Variants in NYAP2 observed in about 807,000 individuals in gnomAD.
NYAP2 encodes the protein neuronal tyrosine-phosphorylated phosphoinositide-3-kinase adaptor 2.
NYAP2 carries 23 observed loss-of-function variants against 50.4 expected under a neutral mutation model. The observed-to-expected ratio is 0.46, with a 90% CI of 0.33 to 0.65. The LOEUF (loss-of-function observed/expected upper bound fraction) is 0.65. Among genes scored for constraint, NYAP2 ranks in the 30% least tolerant of loss-of-function variants. The pLI, the probability that NYAP2 is intolerant of heterozygous loss-of-function variation, is 0.02. For synonymous variants in NYAP2, 394 were observed against 365.2 expected, an observed-to-expected ratio of 1.08 and a Z score of -0.90; for missense variants, 885 against 861.0, an observed-to-expected ratio of 1.03 and a Z score of -0.35.
chr2:225,432,000 C>T (rs1040031766), intron 3 of NYAP2, among the ~76,000 whole-genome samples: 6 of 151,984 alleles, frequency 3.9e-5, no homozygotes, highest in Non-Finnish European at 5.9e-5. Context: ...GATGGAGTCT[C>T]GCTCTGTCAC....
chr2:225,680,149 C>T, the NYAP2 span, among the ~76,000 whole-genome samples: 3 of 152,186 alleles, frequency 2.0e-5, no homozygotes, highest in Admixed American at 2.0e-4. Flanking sequence ...TTTAGCTACT[C>T]ACTTGCTCCA....
At chr2:225,498,626 T>G (rs1690548326) in intron 3 of NYAP2, among the ~76,000 whole-genome samples, 2 of 151,402 alleles carry the variant, frequency 1.3e-5, no homozygotes, top group Non-Finnish European at 2.9e-5. Context: ...CTGAGACAAA[T>G]AATCCAAGTA....
At chr2:225,402,588 G>A (rs551780274) in intron 2 of NYAP2, among the ~76,000 whole-genome samples, 129 of 152,148 alleles carry the variant, frequency 8.5e-4, no homozygotes, top group African/African-American at 2.8e-3. Flanking sequence ...GCATTAACAC[G>A]ATTTATGCCT....
At chr2:225,626,965 C>A in exon 6 of NYAP2, 1 of 1,585,698 alleles carries the variant, frequency 6.3e-7, no homozygotes, top group East Asian at 2.3e-5. Flanking sequence ...GAGCCATTAC[C>A]AAAGTTGGAC....
the NYAP2 span, among the ~76,000 whole-genome samples, chr2:225,661,493 A>T: frequency 6.6e-6 from 1 of 152,200 alleles, no homozygotes; most frequent in African/African-American, 2.4e-5. Flanking sequence ...AGTGCTCAGA[A>T]TGCTGTATTA....
chr2:225,506,658 C>A (rs1217760314), intron 3 of NYAP2, among the ~76,000 whole-genome samples: 2 of 152,144 alleles, frequency 1.3e-5, no homozygotes, highest in Non-Finnish European at 2.9e-5. Context: ...AACAGGGAGG[C>A]AGCATCAAAT....
intron 4 of NYAP2, among the ~76,000 whole-genome samples, chr2:225,554,489 T>A (rs1444309872): frequency 6.7e-6 from 1 of 148,352 alleles, no homozygotes. Context: ...CATGGCTAAT[T>A]TTTTTTTGTA....
Position 225,582,631 on chromosome 2 carries a change from C to T in NYAP2, c.1214C>T (p.Ser405Phe). The change falls in exon 5 of 7, where the codon TCT (serine) becomes TTT (phenylalanine). Residue 405 changes from serine (S) to phenylalanine (F), a missense_variant. Transcript: ENST00000636099. The surrounding 1 kb of genome is among the most constrained non-coding windows in gnomAD (Gnocchi z 7.0). The stretch of plus-strand genomic sequence containing the variant: ...CAGGCCGCGGCCCTGGGACCTGCCT[C>T]TGCCACCCCTGCGCTCTCCTCGTCG... The T allele has an allele frequency of 1.9e-6, 3 of 1,596,088 alleles. No homozygotes were observed. Among genetic ancestry groups the T allele is most frequent in the Non-Finnish European group, 8.5e-7 (1 of 1,172,092 alleles).
the NYAP2 span, among the ~76,000 whole-genome samples, chr2:225,694,301 CT>C: frequency 1.8e-3 from 262 of 147,956 alleles, 1 homozygote; most frequent in Middle Eastern, 3.5e-3. Context: ...TTTTACACAT[CT>C]TTTTTTTTTC....
chr2:225,547,538 C>T lies in NYAP2; in HGVS notation c.523+33866C>T, dbSNP rs144805622. Among the ~76,000 whole-genome samples the T allele has an allele frequency of 1.6e-3, 248 of 152,310 alleles. 4 individuals carry two copies. Among genetic ancestry groups the T allele is most frequent in the African/African-American group, 5.5e-3 (228 of 41,562 alleles). On this transcript the variant is annotated intron_variant, in intron 4 of 6. Coordinates refer to ENST00000636099, the Ensembl canonical transcript of NYAP2. ...CCTATGGCTAGGGCTGGTCTAAATG[C>T]GCCCTCTGGGCATCAGCCGAGTTTA...
intron 5 of NYAP2, among the ~76,000 whole-genome samples, chr2:225,602,863 G>C (rs1004453947): frequency 3.9e-5 from 6 of 152,072 alleles, no homozygotes; most frequent in African/African-American, 1.4e-4. Context: ...TTTATAGCAA[G>C]TTTTGAAATC....
chr2:225,442,237 A>G (rs941739810), intron 3 of NYAP2, among the ~76,000 whole-genome samples: 2 of 152,210 alleles, frequency 1.3e-5, no homozygotes, highest in African/African-American at 2.4e-5. Flanking sequence ...TACAAAATTC[A>G]GAGGCACAAA....
At chr2:225,426,114 T>C (rs1483255569) in intron 3 of NYAP2, among the ~76,000 whole-genome samples, 1 of 147,796 alleles carries the variant, frequency 6.8e-6, no homozygotes, top group Non-Finnish European at 1.5e-5. Flanking sequence ...TAGTTACATG[T>C]TATACTTTGC....
At chr2:225,607,452 CT>C (rs557544761) in intron 5 of NYAP2, among the ~76,000 whole-genome samples, 61 of 152,174 alleles carry the variant, frequency 4.0e-4, no homozygotes, top group African/African-American at 1.4e-3. Flanking sequence ...CAAGAACATT[CT>C]TTTTTAAGTT....
intron 4 of NYAP2, among the ~76,000 whole-genome samples, chr2:225,536,182 C>T (rs1279867774): frequency 6.6e-6 from 1 of 152,130 alleles, no homozygotes; most frequent in East Asian, 1.9e-4. Flanking sequence ...AAAGGCTACC[C>T]CTCAGTTGAA....
At chr2:225,624,665 T>C (rs1693177007) in intron 5 of NYAP2, among the ~76,000 whole-genome samples, 4 of 152,250 alleles carry the variant, frequency 2.6e-5, no homozygotes, top group Non-Finnish European at 1.5e-5. Context: ...AATTATCTAA[T>C]GTAGAAAAAT....
At chr2:225,548,928 C>T (rs973909089) in intron 4 of NYAP2, among the ~76,000 whole-genome samples, 5 of 150,182 alleles carry the variant, frequency 3.3e-5, no homozygotes, top group Non-Finnish European at 5.9e-5. Context: ...ATTGCCCAGG[C>T]TGGAGTGCAA....
intron 5 of NYAP2, among the ~76,000 whole-genome samples, chr2:225,583,318 C>T (rs1692333030): frequency 6.6e-6 from 1 of 151,930 alleles, no homozygotes; most frequent in Admixed American, 6.6e-5. Context: ...TGCAATGGTC[C>T]TGGAAAGTTG....
At chr2:225,689,514 G>A in the NYAP2 span, among the ~76,000 whole-genome samples, 1 of 152,094 alleles carries the variant, frequency 6.6e-6, no homozygotes, top group African/African-American at 2.4e-5. Context: ...GAGTTAATGT[G>A]TACTCATGAT....
Sources: allele counts gnomAD v4.1 joint callset (sites outside exome capture counted in the v4.1 genomes callset), GRCh38; gene constraint gnomAD v4.1.1; non-coding constraint Gnocchi (gnomAD v3.1); transcripts MANE v1.5; gene names NCBI Gene and HGNC (gene_info 2026-07-23, HGNC 2026-07-21).